The following GNG10 variants were observed in gnomAD, a reference collection of about 807,000 sequenced individuals.
The protein encoded by GNG10 is guanine nucleotide-binding protein G(I)/G(S)/G(O) subunit gamma-10.
In GNG10, 7 loss-of-function variants were observed where a neutral mutation model predicts 6.8. The ratio of observed to expected loss-of-function variants is 1.02; its 90% CI spans 0.58 to 1.92. GNG10 has a LOEUF of 1.92. Among genes scored for constraint, GNG10 ranks in the 30% most tolerant of loss-of-function variants. GNG10 has a pLI of 0.00. For missense variants in GNG10, 57 were observed against 86.1 expected (o/e 0.66, Z 1.34); for synonymous variants, 28 against 34.8 (o/e 0.80, Z 0.69).
Position 111,661,713 on chromosome 9 carries a change from A to G in GNG10, c.79A>G (p.Lys27Glu). The change falls in exon 1 of 3, where the codon AAG (lysine) becomes GAG (glutamate). Residue 27 changes from lysine (K) to glutamate (E), a missense_variant and splice_region_variant. Coordinates refer to ENST00000374293, the MANE Select transcript of GNG10 (RefSeq NM_001017998.4). This position sits in a 1 kb window ranked among gnomAD's most constrained non-coding sequence, Gnocchi z 6.1. ...GTTGGAGGCTGGCGTGGAGAGGATC[A>G]AGGTGCGGGCCCCGGGTACCCACGC... ...LKLEAGVERIKVSQAAAELQQ... is the reference protein window; with the variant it reads ...LKLEAGVERIEVSQAAAELQQ... The G allele has an allele frequency of 1.5e-6, 2 of 1,357,474 alleles. No homozygotes were observed. The highest frequency in any genetic ancestry group is 3.5e-5 in the East Asian group (1 of 28,408). The allele number at this position is 1,357,474 out of a possible 1,614,324, so 84.1% of individuals were successfully genotyped here.
At chr9:111,665,776 G>T (rs1282580036) in intron 1 of GNG10, among the ~76,000 whole-genome samples, 1 of 151,974 alleles carries the variant, frequency 6.6e-6, no homozygotes, top group African/African-American at 2.4e-5. Context: ...ACCCAGCTTG[G>T]AGTGCAATGG....
chr9:111,668,736 C>T (rs1188868778), intron 2 of GNG10, among the ~76,000 whole-genome samples: 1 of 152,068 alleles, frequency 6.6e-6, no homozygotes, highest in Admixed American at 6.5e-5. Context: ...CTGCCTGCCT[C>T]GGCCTCCCGA....
At chr9:111,668,428 T>TCCCTCCCCTCCCCCC (rs1564092642) in intron 2 of GNG10, among the ~76,000 whole-genome samples, 2 of 119,452 alleles carry the variant, frequency 1.7e-5, no homozygotes, top group Admixed American at 9.0e-5. Flanking sequence ...GCTTCCTTCT[T>TCCCTCCCCTCCCCCC]CCCTCCCCTC....
In GNG10 at chr9:111,670,174, C is replaced by T. The variant is rs368967233; in HGVS notation, c.*912C>T. The T allele has an allele frequency of 3.2e-3, 494 of 152,732 alleles. 13 individuals are homozygous for T. The South Asian group carries it at 0.057, about 17-fold the overall frequency. 9.5% of individuals were successfully genotyped at this position (152,732 alleles called of 1,614,324 possible). A position where few individuals can be genotyped will look rare whatever the true frequency, so the allele number is the denominator to read the frequency against. On this transcript the variant is annotated 3_prime_UTR_variant, in exon 3 of 3. Transcript: ENST00000374293. ...CACTTTTTTAGAAGGATACATTATT[C>T]GTGTTTGCAACGGTCTTTGAAGAGC... is the stretch of plus-strand genomic sequence containing the variant.
chr9:111,666,539 A>C (rs1036269844), intron 1 of GNG10, among the ~76,000 whole-genome samples: 2 of 152,252 alleles, frequency 1.3e-5, no homozygotes, highest in African/African-American at 4.8e-5. Flanking sequence ...TTACCCGTTC[A>C]GTCTCAAAAC....
chr9:111,664,786 C>T (rs1830873745), intron 1 of GNG10, among the ~76,000 whole-genome samples: 1 of 152,154 alleles, frequency 6.6e-6, no homozygotes, highest in African/African-American at 2.4e-5. Flanking sequence ...CTCATTTCTC[C>T]AGGAGTCCTG....
intron 1 of GNG10, 77 bp from the exon 2 acceptor site, chr9:111,666,738 A>T (rs1360286416): frequency 4.0e-6 from 6 of 1,514,166 alleles, no homozygotes; most frequent in Middle Eastern, 2.5e-4. Context: ...AAGTTGGATG[A>T]TCGTTTTCAG....
intron 1 of GNG10, among the ~76,000 whole-genome samples, chr9:111,665,141 T>C (rs1331299063): frequency 1.3e-5 from 2 of 151,934 alleles, no homozygotes; most frequent in Non-Finnish European, 2.9e-5. Context: ...GCTTGGAAAA[T>C]TAACACAAAC....
chr9:111,664,674 T>A (rs570266456), intron 1 of GNG10, among the ~76,000 whole-genome samples: 2 of 152,258 alleles, frequency 1.3e-5, no homozygotes, highest in East Asian at 3.9e-4. Flanking sequence ...CCCTTGCTAG[T>A]GTTAGAGAGA....
chr9:111,666,587 G>C (rs997984865), intron 1 of GNG10, among the ~76,000 whole-genome samples: 1 of 152,164 alleles, frequency 6.6e-6, no homozygotes, highest in African/African-American at 2.4e-5. Context: ...GCTTTTTCTT[G>C]TCTTCGTTGA....
intron 1 of GNG10, among the ~76,000 whole-genome samples, chr9:111,665,790 G>A (rs958621290): frequency 2.6e-5 from 4 of 151,792 alleles, no homozygotes; most frequent in Middle Eastern, 3.4e-3. Flanking sequence ...GCAATGGTGC[G>A]ATCTCGGCTC....
rs952494824 is a variant in GNG10, at chr9:111,665,858, C to T, written c.82-957C>T. Among the ~76,000 whole-genome samples the T allele has an allele frequency of 7.7e-4, 116 of 151,036 alleles. 2 individuals carry two copies. The highest frequency in any genetic ancestry group is 3.1e-4 in the Non-Finnish European group (21 of 67,948). ...TCTCCTGCCTCAACCTCCTGAGTAG[C>T]TGGGATTACAGGTGCACGCCACCAC... On this transcript the variant is annotated intron_variant, in intron 1 of 2. Coordinates refer to ENST00000374293, the MANE Select transcript of GNG10 (RefSeq NM_001017998.4).
chr9:111,666,413 A>T (rs978380311), intron 1 of GNG10, among the ~76,000 whole-genome samples: 5 of 152,198 alleles, frequency 3.3e-5, no homozygotes, highest in African/African-American at 1.2e-4. Flanking sequence ...AGACTGAATA[A>T]GGCTTCAGAC....
intron 1 of GNG10, 101 bp from the exon 2 acceptor site, chr9:111,666,714 A>T (rs1368311719): frequency 6.9e-7 from 1 of 1,442,694 alleles, no homozygotes; most frequent in Non-Finnish European, 9.2e-7. Flanking sequence ...GGTCACAAAA[A>T]GTTGATATTT....
intron 1 of GNG10, among the ~76,000 whole-genome samples, chr9:111,664,726 CCCTTA>C (rs1830873218): frequency 6.6e-6 from 1 of 152,080 alleles, no homozygotes; most frequent in African/African-American, 2.4e-5. Context: ...TCTGCGTATC[CCCTTA>C]CCTTAACTTT....
intron 1 of GNG10, among the ~76,000 whole-genome samples, chr9:111,664,841 C>T (rs770557073): frequency 9.2e-5 from 14 of 152,154 alleles, no homozygotes; most frequent in Non-Finnish European, 2.1e-4. Context: ...TTACCTGCCA[C>T]CCCAATGCAA....
intron 1 of GNG10, among the ~76,000 whole-genome samples, chr9:111,664,658 C>T (rs939538769): frequency 2.0e-5 from 3 of 152,198 alleles, no homozygotes; most frequent in African/African-American, 4.8e-5. Context: ...AGCCCACAGC[C>T]TCTCTCCCTT....
intron 1 of GNG10, among the ~76,000 whole-genome samples, chr9:111,662,509 G>A (rs1830838838): frequency 6.6e-6 from 1 of 152,224 alleles, no homozygotes; most frequent in South Asian, 2.1e-4. Flanking sequence ...TGGGGGCTCA[G>A]TCAACATGTC....
rs1830821179 is a variant in GNG10, at chr9:111,661,725, C to T, written c.81+10C>T. 1 of 1,333,550 alleles carries T rather than the reference C, an allele frequency of 7.5e-7. No homozygotes were observed. The allele number at this position is 1,333,550 out of a possible 1,614,324, so 82.6% of individuals were successfully genotyped here. A position where few individuals can be genotyped will look rare whatever the true frequency, so the allele number is the denominator to read the frequency against. On this transcript the variant is annotated intron_variant, in intron 1 of 2. Coordinates refer to ENST00000374293, the MANE Select transcript of GNG10 (RefSeq NM_001017998.4). The surrounding 1 kb of genome is among the most constrained non-coding windows in gnomAD (Gnocchi z 6.1). ...CGTGGAGAGGATCAAGGTGCGGGCC[C>T]CGGGTACCCACGCTCCGGTCCTTCC...
Sources: allele counts gnomAD v4.1 joint callset (sites outside exome capture counted in the v4.1 genomes callset), GRCh38; gene constraint gnomAD v4.1.1; non-coding constraint Gnocchi (gnomAD v3.1); transcripts MANE v1.5; gene names NCBI Gene and HGNC (gene_info 2026-07-23, HGNC 2026-07-21).